The following MAPKBP1 variants were observed in gnomAD, a reference collection of about 807,000 sequenced individuals.
MAPKBP1 encodes the protein mitogen-activated protein kinase-binding protein 1.
Under a neutral mutation model 170.5 loss-of-function variants are expected in MAPKBP1, and 71 were observed. The observed-to-expected ratio is 0.42, with a 90% CI of 0.34 to 0.51. MAPKBP1 has a LOEUF of 0.51. Ranked by LOEUF, MAPKBP1 falls within the 20% of genes least tolerant of loss-of-function variation. The pLI is 0.06. For missense variants in MAPKBP1, 1,598 were observed against 1,933.0 expected (o/e 0.83, Z 3.25); for synonymous variants, 719 against 757.9 (o/e 0.95, Z 0.84).
At chr15:41,821,100 G>A in intron 23 of MAPKBP1, 32 bp downstream of exon 23, 2 of 1,604,216 alleles carry the variant, frequency 1.2e-6, no homozygotes, top group South Asian at 1.1e-5. Flanking sequence ...TCTCTAGAGA[G>A]TTCCAAGGGG....
intron 3 of MAPKBP1, among the ~76,000 whole-genome samples, chr15:41,809,020 G>A (rs2064755618): frequency 1.3e-5 from 2 of 149,922 alleles, no homozygotes; most frequent in Non-Finnish European, 3.0e-5. Context: ...GAGCTGTGAT[G>A]GTGCCATGGT....
At chr15:41,786,777 A>AAAAAAAAAAT in intron 2 of MAPKBP1, among the ~76,000 whole-genome samples, 1 of 32,452 alleles carries the variant, frequency 3.1e-5, no homozygotes, top group Non-Finnish European at 5.6e-5. Flanking sequence ...AAAAAAAAAA[A>AAAAAAAAAAT]ATATATATAT....
chr15:41,789,502 C>A (rs2064358563), intron 2 of MAPKBP1, among the ~76,000 whole-genome samples: 1 of 152,150 alleles, frequency 6.6e-6, no homozygotes, highest in Non-Finnish European at 1.5e-5. Context: ...CATTCCCTCT[C>A]CCTCTAGTCT....
At chr15:41,795,496 C>T (rs754637594) in intron 2 of MAPKBP1, among the ~76,000 whole-genome samples, 54 of 151,930 alleles carry the variant, frequency 3.6e-4, no homozygotes, top group Non-Finnish European at 4.4e-4. Flanking sequence ...CCTTGTAAGC[C>T]GGGGTAGAGT....
At chr15:41,786,863 G>T (rs1264816258) in intron 2 of MAPKBP1, among the ~76,000 whole-genome samples, 2 of 142,116 alleles carry the variant, frequency 1.4e-5, no homozygotes, top group South Asian at 2.2e-4. Context: ...ATATTTTCTT[G>T]AAGATTAATG....
At chr15:41,789,308 A>G (rs2064354037) in intron 2 of MAPKBP1, among the ~76,000 whole-genome samples, 1 of 151,922 alleles carries the variant, frequency 6.6e-6, no homozygotes, top group South Asian at 2.1e-4. Flanking sequence ...AAAAAACTAC[A>G]ACTCCACCCC....
intron 2 of MAPKBP1, among the ~76,000 whole-genome samples, chr15:41,782,700 C>T (rs2064211626): frequency 6.6e-6 from 1 of 151,960 alleles, no homozygotes; most frequent in Admixed American, 6.6e-5. Flanking sequence ...ATGTGCACAG[C>T]ATGGCACTGA....
In MAPKBP1 at chr15:41,822,959, C is replaced by T. The variant is rs117560981; in HGVS notation, c.3335C>T (p.Ser1112Leu). 2.0e-4 allele frequency: 324 copies of T among 1,611,836 alleles called. 3 individuals are homozygous for T. The East Asian group carries it at 7.2e-3, about 36-fold the overall frequency. The change falls in exon 28 of 31, where the codon TCA (serine) becomes TTA (leucine). Residue 1112 changes from serine (S) to leucine (L), a missense_variant. Physicochemically the swap from Ser to Leu is moderately radical, Grantham distance 145 (BLOSUM62 -2). Coordinates refer to ENST00000457542, the MANE Select transcript of MAPKBP1 (RefSeq NM_014994.3). ...RPLREPSPSS[S>L]SLALMSRPAQ... is the part of the protein sequence containing the mutation. Reference sequence around the variant, plus strand: ...TGTAGGGAACCATCCCCATCCTCCTCAAGCCTGGCACTGATGTCGAGACCA... The same window carrying T: ...TGTAGGGAACCATCCCCATCCTCCTTAAGCCTGGCACTGATGTCGAGACCA...
intron 30 of MAPKBP1, 187 bp from the exon 31 acceptor site, chr15:41,825,022 G>A: frequency 1.8e-6 from 1 of 561,176 alleles, no homozygotes; most frequent in Non-Finnish European, 3.2e-6. Flanking sequence ...CAATCCAATG[G>A]GTTCCTCCTT....
Position 41,774,694 on chromosome 15 carries a change from G to T in MAPKBP1, c.-110+84G>T, listed in dbSNP as rs924355213. On this transcript the variant is annotated intron_variant, in intron 1 of 30. Transcript: ENST00000457542. ...AAGATAAAGGTCCAGAGCCGCTGTG[G>T]AGGGCGGAGAGCGAGCTCTGGAGGA... 2.5e-5 allele frequency: 10 copies of T among 398,922 alleles called. No homozygotes were observed. In the East Asian group the frequency reaches 3.6e-4, roughly 14 times the overall value. The allele number at this position is 398,922 out of a possible 1,614,324, so 24.7% of individuals were successfully genotyped here. A position where few individuals can be genotyped will look rare whatever the true frequency, so the allele number is the denominator to read the frequency against.
In MAPKBP1 at chr15:41,824,698, G is replaced by T. The variant is rs571089342; in HGVS notation, c.4299+129G>T. 320 of 951,532 alleles carry T rather than the reference G, an allele frequency of 3.4e-4. 1 individual carries two copies. The African/African-American group carries it at 4.9e-3, about 15-fold the overall frequency. 58.9% of individuals were successfully genotyped at this position (951,532 alleles called of 1,614,324 possible). A position where few individuals can be genotyped will look rare whatever the true frequency, so the allele number is the denominator to read the frequency against. ...GGATGGCACACTCAAGAACATCTTG[G>T]GCAGCATAGGTGAGGGGGTTAGAGG... On this transcript the variant is annotated intron_variant, in intron 30 of 30. Transcript: ENST00000457542.
At chr15:41,785,626 C>A (rs1003999841) in intron 2 of MAPKBP1, among the ~76,000 whole-genome samples, 3 of 151,866 alleles carry the variant, frequency 2.0e-5, no homozygotes, top group African/African-American at 7.3e-5. Context: ...AATTTACAGG[C>A]CAAGTGAAAA....
At chr15:41,774,886 C>T in intron 1 of MAPKBP1, 1 of 440,328 alleles carries the variant, frequency 2.3e-6, no homozygotes, top group Non-Finnish European at 4.0e-6. Context: ...AACAGTTGGG[C>T]ATTAACGGGA....
At position 41,793,028 on chromosome 15, in the gene MAPKBP1, A is replaced by G. The variant is rs2064421999; in HGVS notation, c.115-6795A>G. Among the ~76,000 whole-genome samples, 3 of 152,058 alleles carry G rather than the reference A, an allele frequency of 2.0e-5. No homozygotes were observed. The South Asian group carries it at 6.2e-4, about 32-fold the overall frequency. ...AAATGAGGCTAGGTTTTCTTCGCAT[A>G]CTTCCACTAGATAATGTCAGGACAG... On this transcript the variant is annotated intron_variant, in intron 2 of 30. Transcript: ENST00000457542.
At position 41,824,527 on chromosome 15, in the gene MAPKBP1, G is replaced by A; in HGVS notation, c.4257G>A (p.Glu1419=). Residue 1419 remains glutamate, a synonymous_variant, in exon 30 of 31, where the codon GAG becomes GAA. Transcript: ENST00000457542. ...AGCAGTGTGAGCAGCTGGTGGCAGA[G>A]CTCCGCGGCAGCGTGCGCCAGGCAG... The part of the protein sequence containing the change: ...SLEQCEQLVA[E]LRGSVRQAVR... 2 of 1,603,550 alleles carry A rather than the reference G, an allele frequency of 1.2e-6. No homozygotes were observed. The highest frequency in any genetic ancestry group is 8.5e-7 in the Non-Finnish European group (1 of 1,175,822).
At position 41,817,967 on chromosome 15, in the gene MAPKBP1, C is replaced by T. The variant is rs1193550744; in HGVS notation, c.1905-42C>T. 1.3e-6 allele frequency: 2 copies of T among 1,596,634 alleles called. No homozygotes were observed. Among genetic ancestry groups the T allele is most frequent in the South Asian group, 2.2e-5 (2 of 90,602 alleles). On this transcript the variant is annotated intron_variant, in intron 16 of 30. Transcript: ENST00000457542. This position sits in a 1 kb window ranked among gnomAD's most constrained non-coding sequence, Gnocchi z 4.2. ...TTTCCATCCCCCAGGCGTGTTCCACCTTCACCGCCTCCTCATGAGAAAGAG... is the reference window on the plus strand; with the variant it reads ...TTTCCATCCCCCAGGCGTGTTCCACTTTCACCGCCTCCTCATGAGAAAGAG...
intron 2 of MAPKBP1, among the ~76,000 whole-genome samples, chr15:41,793,219 C>T (rs370460656): frequency 1.3e-5 from 2 of 152,120 alleles, no homozygotes; most frequent in East Asian, 1.9e-4. Flanking sequence ...TGGGTGCAGT[C>T]GCTCACGCCT....
Position 41,817,267 on chromosome 15 carries a change from T to C in MAPKBP1, c.1712-121T>C. On this transcript the variant is annotated intron_variant, in intron 14 of 30. Transcript: ENST00000457542. The surrounding 1 kb of genome is among the most constrained non-coding windows in gnomAD (Gnocchi z 4.2). ...AAAACCTGGGTTTCCAGGTTTAATTTAGTTGGTTTTCCCTGGCATGTAGAG... is the reference window on the plus strand; with the variant it reads ...AAAACCTGGGTTTCCAGGTTTAATTCAGTTGGTTTTCCCTGGCATGTAGAG... 1 of 1,251,810 alleles carries C rather than the reference T, an allele frequency of 8.0e-7. No individual in the cohort carries two copies. The highest frequency in any genetic ancestry group is 1.1e-6 in the Non-Finnish European group (1 of 870,724). The allele number at this position is 1,251,810 out of a possible 1,614,324, so 77.5% of individuals were successfully genotyped here.
chr15:41,820,799 G>A, intron 22 of MAPKBP1, 33 bp from the exon 23 acceptor site: 1 of 1,529,720 alleles, frequency 6.5e-7, no homozygotes, highest in East Asian at 2.3e-5. Context: ...TGTGGTTGTT[G>A]TTACTCCTCC....
Sources: gnomAD v4.1 joint callset for allele counts (sites outside exome capture counted in the v4.1 genomes callset) on GRCh38, gnomAD v4.1.1 for gene constraint, Gnocchi (gnomAD v3.1) non-coding constraint, MANE v1.5 for transcripts, NCBI Gene and HGNC (gene_info 2026-07-23, HGNC 2026-07-21) for gene names.